BTBD9: variants seen among roughly 807,000 people sequenced by gnomAD.
BTBD9 encodes the protein BTB domain containing 9, also known as BTB/POZ domain-containing protein 9.
Under a neutral mutation model 64.3 loss-of-function variants are expected in BTBD9, and 49 were observed. The observed-to-expected ratio is 0.76, with a 90% CI of 0.61 to 0.97. BTBD9 has a LOEUF of 0.97. Among genes scored for constraint, BTBD9 ranks in the 50% least tolerant of loss-of-function variants. The probability of loss-of-function intolerance (pLI) is 0.00; values close to 1 mark genes in which losing one functional copy is unlikely to be tolerated. For synonymous variants in BTBD9, 260 were observed against 274.7 expected, an observed-to-expected ratio of 0.95 and a Z score of 0.53; for missense variants, 598 against 762.1, an observed-to-expected ratio of 0.78 and a Z score of 2.53.
chr6:38,455,324 T>C (rs1769746551), intron 6 of BTBD9, among the ~76,000 whole-genome samples: 1 of 152,194 alleles, frequency 6.6e-6, no homozygotes, highest in Non-Finnish European at 1.5e-5. Flanking sequence ...TGCTTTCCAT[T>C]GCTATCATTT....
chr6:38,348,732 C>T (rs774267475), intron 6 of BTBD9, among the ~76,000 whole-genome samples: 6 of 152,060 alleles, frequency 3.9e-5, no homozygotes, highest in African/African-American at 7.2e-5. Flanking sequence ...TATAAGATTA[C>T]GGGTGAATGG....
intron 6 of BTBD9, among the ~76,000 whole-genome samples, chr6:38,394,429 T>G (rs1766574897): frequency 6.6e-6 from 1 of 152,022 alleles, no homozygotes; most frequent in African/African-American, 2.4e-5. Context: ...AGGGAGAAGT[T>G]TTTTGTGGCA....
At chr6:38,393,075 C>T (rs1389257638) in intron 6 of BTBD9, among the ~76,000 whole-genome samples, 1 of 152,118 alleles carries the variant, frequency 6.6e-6, no homozygotes, top group East Asian at 1.9e-4. Context: ...AGGGTTTCGC[C>T]ATGTTGGCTA....
chr6:38,180,759 G>C (rs1019339923), intron 10 of BTBD9, among the ~76,000 whole-genome samples: 3 of 152,226 alleles, frequency 2.0e-5, no homozygotes, highest in African/African-American at 7.2e-5. Context: ...CCATTAGCCT[G>C]TTTGATTGCC....
chr6:38,298,611 C>T (rs965132633), intron 7 of BTBD9, among the ~76,000 whole-genome samples: 6 of 152,166 alleles, frequency 3.9e-5, no homozygotes, highest in South Asian at 2.1e-4. Flanking sequence ...TTCTATCTAA[C>T]TGTATATTTG....
At chr6:38,356,130 T>C (rs532620363) in intron 6 of BTBD9, among the ~76,000 whole-genome samples, 43 of 152,282 alleles carry the variant, frequency 2.8e-4, no homozygotes, top group African/African-American at 9.9e-4. Context: ...TCTTGGAGCA[T>C]GTAGATTTTC....
chr6:38,447,659 G>T (rs962631114), intron 6 of BTBD9, among the ~76,000 whole-genome samples: 3 of 152,178 alleles, frequency 2.0e-5, no homozygotes, highest in Non-Finnish European at 2.9e-5. Context: ...TCTTTTCTCA[G>T]CAATTAAGAT....
intron 6 of BTBD9, among the ~76,000 whole-genome samples, chr6:38,450,719 T>TA (rs1164151861): frequency 6.6e-6 from 1 of 152,084 alleles, no homozygotes; most frequent in Non-Finnish European, 1.5e-5. Context: ...CATCGACTTA[T>TA]AAAAAAATGT....
At chr6:38,198,070 G>T (rs1047061696) in intron 9 of BTBD9, among the ~76,000 whole-genome samples, 5 of 152,068 alleles carry the variant, frequency 3.3e-5, no homozygotes, top group Non-Finnish European at 5.9e-5. Flanking sequence ...ATTAAATAGG[G>T]TCAATTCTGG....
intron 7 of BTBD9, among the ~76,000 whole-genome samples, chr6:38,307,000 T>A (rs187439831): frequency 8.6e-5 from 13 of 150,338 alleles, no homozygotes; most frequent in Admixed American, 8.6e-4. Context: ...TTGCCAAGAT[T>A]TTCATAGAGA....
intron 8 of BTBD9, among the ~76,000 whole-genome samples, chr6:38,287,659 TATG>T (rs1761796251): frequency 6.6e-6 from 1 of 152,220 alleles, no homozygotes; most frequent in Non-Finnish European, 1.5e-5. Context: ...AAGGACACTC[TATG>T]ATGTTTCCAC....
rs758117447 is a variant in BTBD9 at position 38,598,060 on chromosome 6, G to A, written c.35C>T (p.Ala12Val). Residue 12 changes from alanine (A) to valine (V), a missense_variant, in exon 2 of 11, where the codon GCA (alanine) becomes GTA (valine). By Grantham distance (64) the Ala-to-Val change is moderately conservative. Transcript: ENST00000481247. ...SNSHPLRPFT[A>V]VGEIDHVHIL... The stretch of plus-strand genomic sequence containing the variant: ...GTGCACATGATCAATTTCCCCCACT[G>A]CAGTAAAGGGGCGAAGAGGGTGGCT... 6.2e-7 allele frequency: 1 copy of A among 1,613,782 alleles called. No individual in the cohort carries two copies. Among genetic ancestry groups the A allele is most frequent in the Non-Finnish European group, 8.5e-7 (1 of 1,179,798 alleles).
At chr6:38,467,323 C>A (rs544383687) in intron 6 of BTBD9, among the ~76,000 whole-genome samples, 53 of 152,284 alleles carry the variant, frequency 3.5e-4, no homozygotes, top group African/African-American at 1.2e-3. Context: ...GGATGTCTGT[C>A]ATTTTCGCCT....
At chr6:38,465,701 AATAAATTATATATATAT>A (rs1250410164) in intron 6 of BTBD9, among the ~76,000 whole-genome samples, 2 of 104,006 alleles carry the variant, frequency 1.9e-5, no homozygotes, top group African/African-American at 4.1e-5. Flanking sequence ...TAAATAAATA[AATAAATTATATATATAT>A]ATATATATAT....
chr6:38,339,566 G>T (rs995396266), intron 7 of BTBD9, among the ~76,000 whole-genome samples: 4 of 152,072 alleles, frequency 2.6e-5, no homozygotes, highest in Non-Finnish European at 4.4e-5. Flanking sequence ...ATTTAAAGAC[G>T]TTGGGAGGAT....
At chr6:38,527,231 G>C (rs1016746056) in intron 6 of BTBD9, among the ~76,000 whole-genome samples, 1 of 112,748 alleles carries the variant, frequency 8.9e-6, no homozygotes, top group Non-Finnish European at 1.6e-5. Context: ...AGCCAAGATC[G>C]CACCACTGCA....
Position 38,260,538 on chromosome 6 carries a change from A to T in BTBD9, c.1455-4022T>A, listed in dbSNP as rs191674902. ...AGAGGATATGGGATATGGAGAAGATAAAAAAAAGAAGGATAAATTATGAGT... is the reference window on the plus strand; with the variant it reads ...AGAGGATATGGGATATGGAGAAGATTAAAAAAAGAAGGATAAATTATGAGT... On this transcript the variant is annotated intron_variant, in intron 8 of 10. Transcript: ENST00000481247. Among the ~76,000 whole-genome samples the T allele has an allele frequency of 1.6e-4, 24 of 152,206 alleles. No individual in the cohort carries two copies. In the East Asian group the frequency reaches 3.9e-3, roughly 24 times the overall value.
At chr6:38,630,291 G>A (rs1289853827) in intron 1 of BTBD9, among the ~76,000 whole-genome samples, 2 of 151,332 alleles carry the variant, frequency 1.3e-5, no homozygotes, top group Non-Finnish European at 2.9e-5. Flanking sequence ...CTTTGTTCTT[G>A]TGTGTTGGAT....
chr6:38,620,655 A>C (rs1777952477), intron 1 of BTBD9, among the ~76,000 whole-genome samples: 1 of 152,216 alleles, frequency 6.6e-6, no homozygotes, highest in South Asian at 2.1e-4. Context: ...CTCTGCCTAC[A>C]ACAAGTCAAA....
Sources: allele counts gnomAD v4.1 joint callset (sites outside exome capture counted in the v4.1 genomes callset), GRCh38; gene constraint gnomAD v4.1.1; transcripts MANE v1.5; gene names NCBI Gene and HGNC (gene_info 2026-07-23, HGNC 2026-07-21).